The following APAF1 variants were observed in gnomAD, a reference collection of about 807,000 sequenced individuals.
The protein encoded by APAF1 is apoptotic peptidase activating factor 1.
Under a neutral mutation model 152.4 loss-of-function variants are expected in APAF1, and 91 were observed. The ratio of observed to expected loss-of-function variants is 0.60; its 90% CI spans 0.50 to 0.71. The LOEUF (loss-of-function observed/expected upper bound fraction) is 0.71. Among genes scored for constraint, APAF1 ranks in the 30% least tolerant of loss-of-function variants. The pLI, the probability that APAF1 is intolerant of heterozygous loss-of-function variation, is 0.00. For synonymous variants in APAF1, 484 were observed against 494.1 expected, an observed-to-expected ratio of 0.98 and a Z score of 0.27; for missense variants, 1,283 against 1,472.0, an observed-to-expected ratio of 0.87 and a Z score of 2.10.
intron 22 of APAF1, among the ~76,000 whole-genome samples, chr12:98,722,307 A>G (rs1023343324): frequency 2.6e-5 from 4 of 152,072 alleles, no homozygotes; most frequent in East Asian, 1.9e-4. Context: ...TGTATCTTCT[A>G]TTGTAGGACT....
At chr12:98,648,887 T>A (rs1450964569) in intron 3 of APAF1, 72 bp downstream of exon 3, 2 of 1,385,918 alleles carry the variant, frequency 1.4e-6, no homozygotes, top group Non-Finnish European at 2.0e-6. Context: ...GTAGATGTAA[T>A]CTTTTGAAGA....
intron 7 of APAF1, among the ~76,000 whole-genome samples, chr12:98,665,271 TATATATA>T (rs1201945807): frequency 2.9e-4 from 30 of 104,462 alleles, no homozygotes; most frequent in Non-Finnish European, 4.2e-4. Context: ...TATATATATA[TATATATA>T]TTTTTTTTTT....
chr12:98,657,862 A>G (rs73374762), intron 4 of APAF1, among the ~76,000 whole-genome samples: 4,268 of 152,310 alleles, frequency 0.028, 205 homozygotes, highest in African/African-American at 0.097. Flanking sequence ...ATAGTGTGCT[A>G]TAGGATTAAA....
At position 98,651,414 on chromosome 12, in the gene APAF1, G is replaced by A. The variant is rs2288738; in HGVS notation, c.526+1730G>A. Among the ~76,000 whole-genome samples the A allele has an allele frequency of 5.6e-4, 85 of 152,180 alleles. No homozygotes were observed. In the East Asian group the frequency reaches 0.016, roughly 28 times the overall value. On this transcript the variant is annotated intron_variant, in intron 4 of 26. Coordinates refer to ENST00000551964, the MANE Select transcript of APAF1 (RefSeq NM_181861.2). ...TATTTTAAATTTGCATAGATGTTATGGTATTATTCTGTTTTTTATCTCCCA... is the reference window on the plus strand; with the variant it reads ...TATTTTAAATTTGCATAGATGTTATAGTATTATTCTGTTTTTTATCTCCCA...
intron 25 of APAF1, 111 bp downstream of exon 25, chr12:98,725,651 G>A: frequency 3.5e-6 from 5 of 1,420,028 alleles, no homozygotes; most frequent in Non-Finnish European, 5.0e-6. Context: ...TGAAGTTGTG[G>A]TTGGATGAGG....
At chr12:98,649,399 T>A in intron 3 of APAF1, 88 bp from the exon 4 acceptor site, 1 of 1,481,722 alleles carries the variant, frequency 6.7e-7, no homozygotes, top group Non-Finnish European at 9.3e-7. Flanking sequence ...AGGCTAAGCC[T>A]CAGCTTTGCT....
chr12:98,686,463 G>A (rs897605492), intron 15 of APAF1, among the ~76,000 whole-genome samples: 17 of 152,212 alleles, frequency 1.1e-4, no homozygotes, highest in Non-Finnish European at 2.4e-4. Context: ...AAACCACTCC[G>A]TTGAAATAAG....
chr12:98,674,998 T>G (rs1243183080), intron 12 of APAF1, among the ~76,000 whole-genome samples: 3 of 152,220 alleles, frequency 2.0e-5, no homozygotes, highest in Non-Finnish European at 2.9e-5. Flanking sequence ...GGTTTAGTTC[T>G]TGTTCTCTTA....
At chr12:98,728,329 C>G (rs1045416122) in intron 26 of APAF1, among the ~76,000 whole-genome samples, 6 of 152,166 alleles carry the variant, frequency 3.9e-5, no homozygotes, top group African/African-American at 1.4e-4. Flanking sequence ...CGCTTCACTC[C>G]CCTCATCTTA....
intron 12 of APAF1, among the ~76,000 whole-genome samples, chr12:98,674,069 C>A (rs1199697386): frequency 1.3e-5 from 2 of 152,080 alleles, no homozygotes; most frequent in African/African-American, 4.8e-5. Context: ...GATCACTGCT[C>A]ACTGTAGCCT....
chr12:98,706,677 G>C, intron 19 of APAF1, 67 bp downstream of exon 19: 1 of 1,576,414 alleles, frequency 6.3e-7, no homozygotes, highest in Non-Finnish European at 8.7e-7. Context: ...TACAAACTAA[G>C]AAATTGATGG....
chr12:98,662,611 T>A (rs749410709), intron 6 of APAF1, 43 bp downstream of exon 6: 1 of 1,601,698 alleles, frequency 6.2e-7, no homozygotes, highest in Non-Finnish European at 8.5e-7. Context: ...TATATTTAAT[T>A]TAATTACATT....
Position 98,733,669 on chromosome 12 carries a change from A to G in APAF1, c.*1103A>G, listed in dbSNP as rs975856549. 1 of 152,312 alleles carries G rather than the reference A, an allele frequency of 6.6e-6. No homozygotes were observed. The highest frequency in any genetic ancestry group is 2.1e-4 in the South Asian group (1 of 4,826). The allele number at this position is 152,312 out of a possible 1,614,324, so 9.4% of individuals were successfully genotyped here. A position where few individuals can be genotyped will look rare whatever the true frequency, so the allele number is the denominator to read the frequency against. On this transcript the variant is annotated 3_prime_UTR_variant, in exon 27 of 27. Coordinates refer to ENST00000551964, the MANE Select transcript of APAF1 (RefSeq NM_181861.2). Reference sequence around the variant, plus strand: ...GGCTGGTCTTGAACTCTTGGCCTCAAGTAATCCTCCTGCCTCAGCCTCCCA... The same window carrying G: ...GGCTGGTCTTGAACTCTTGGCCTCAGGTAATCCTCCTGCCTCAGCCTCCCA...
Position 98,676,708 on chromosome 12 carries a change from G to A in APAF1, c.1794-717G>A, listed in dbSNP as rs181084280. Among the ~76,000 whole-genome samples the A allele has an allele frequency of 8.4e-4, 123 of 146,308 alleles. 1 individual carries two copies. Among genetic ancestry groups the A allele is most frequent in the Admixed American group, 2.0e-3 (29 of 14,718 alleles). ...GTCGCCCAGGCTGGAGTGCAGTGGC[G>A]CGATCTTGGCTCACTGCAACCTCCA... On this transcript the variant is annotated intron_variant, in intron 12 of 26. Coordinates refer to ENST00000551964, the MANE Select transcript of APAF1 (RefSeq NM_181861.2).
intron 11 of APAF1, 81 bp from the exon 12 acceptor site, chr12:98,671,454 A>G: frequency 2.9e-6 from 4 of 1,360,738 alleles, no homozygotes; most frequent in Non-Finnish European, 2.1e-6. Context: ...TTAAGCTTTT[A>G]AAGTGGCAAG....
chr12:98,726,684 T>A (rs563089259), intron 25 of APAF1: 2 of 155,640 alleles, frequency 1.3e-5, no homozygotes, highest in East Asian at 1.9e-4. Flanking sequence ...TTCCCAGTTA[T>A]GAGGCGGTGT....
In APAF1 at chr12:98,715,507, C is replaced by A. The variant is rs757237121; in HGVS notation, c.3039C>A (p.Ala1013=). 1.2e-6 allele frequency: 2 copies of A among 1,613,442 alleles called. No individual in the cohort carries two copies. Among genetic ancestry groups the A allele is most frequent in the Non-Finnish European group, 1.7e-6 (2 of 1,179,736 alleles). ...KKTVWHIQFT[A]DEKTLISSSD... ...CTGTATGGCACATCCAGTTCACAGCCGATGAGAAGACTCTTATTTCAAGTT... is the reference window on the plus strand; with the variant it reads ...CTGTATGGCACATCCAGTTCACAGCAGATGAGAAGACTCTTATTTCAAGTT... The change falls in exon 22 of 27, where the codon GCC becomes GCA. Residue 1013 remains alanine, a synonymous_variant. Coordinates refer to ENST00000551964, the MANE Select transcript of APAF1 (RefSeq NM_181861.2).
chr12:98,728,312 T>A (rs1483651297), intron 26 of APAF1, among the ~76,000 whole-genome samples: 1 of 152,260 alleles, frequency 6.6e-6, no homozygotes, highest in Non-Finnish European at 1.5e-5. Context: ...CTTTATAGTT[T>A]ACAAAACGCT....
At chr12:98,687,147 A>G (rs758090671) in intron 16 of APAF1, among the ~76,000 whole-genome samples, 27 of 152,058 alleles carry the variant, frequency 1.8e-4, no homozygotes, top group Non-Finnish European at 3.2e-4. Context: ...GGTGGATCAC[A>G]AGGTCAGGAG....
Sources: allele counts gnomAD v4.1 joint callset (sites outside exome capture counted in the v4.1 genomes callset), GRCh38; gene constraint gnomAD v4.1.1; transcripts MANE v1.5; gene names NCBI Gene and HGNC (gene_info 2026-07-23, HGNC 2026-07-21).